The following MDN1 variants were observed in gnomAD, a reference collection of about 807,000 sequenced individuals.
The protein encoded by MDN1 is midasin.
MDN1 carries 266 observed loss-of-function variants against 669.2 expected under a neutral mutation model. The observed-to-expected ratio is 0.40, with a 90% CI of 0.36 to 0.44. MDN1 has a LOEUF of 0.44. Ranked by LOEUF, MDN1 falls within the 20% of genes least tolerant of loss-of-function variation. The pLI is 1.00. For missense variants in MDN1, 5,940 were observed against 6,754.0 expected, an observed-to-expected ratio of 0.88 and a Z score of 4.22; for synonymous variants, 2,385 against 2,457.1, an observed-to-expected ratio of 0.97 and a Z score of 0.87.
intron 63 of MDN1, 118 bp downstream of exon 63, chr6:89,692,325 C>A: frequency 2.3e-6 from 2 of 857,948 alleles, no homozygotes; most frequent in South Asian, 1.9e-5. Flanking sequence ...AACAAAATGC[C>A]CACGCCCCAA....
intron 2 of MDN1, among the ~76,000 whole-genome samples, chr6:89,796,364 C>CAAAAAAA (rs1819613342): frequency 1.7e-5 from 2 of 116,956 alleles, no homozygotes; most frequent in African/African-American, 3.4e-5. Flanking sequence ...AAAAAAAAAC[C>CAAAAAAA]AAACACTTTG....
intron 74 of MDN1, among the ~76,000 whole-genome samples, 166 bp downstream of exon 74, chr6:89,680,423 C>A (rs1208671415): frequency 6.6e-6 from 1 of 152,216 alleles, no homozygotes. Context: ...TCTCAGTAGG[C>A]TCCTGTTTCT....
chr6:89,725,341 C>T lies in MDN1; in HGVS notation c.5528G>A (p.Arg1843Gln), dbSNP rs1411698857. 3.1e-6 allele frequency: 5 copies of T among 1,613,824 alleles called. No homozygotes were observed. The highest frequency in any genetic ancestry group is 4.2e-6 in the Non-Finnish European group (5 of 1,179,958). ...LEGLNACFDH[R>Q]GEIYVPELGM... ...TAACTCAGGCACATAGATTTCTCCT[C>T]GGTGGTCAAAACAAGCATTGAGTCC... Residue 1843 changes from arginine (R) to glutamine (Q), a missense_variant, in exon 38 of 102, where the codon CGA becomes CAA. Arg to Gln is a conservative substitution (Grantham distance 43). This residue lies in a region of MDN1 where 2,292 missense variants were observed against 2,638.3 expected (regional missense o/e 0.87). Transcript: ENST00000369393.
intron 29 of MDN1, among the ~76,000 whole-genome samples, chr6:89,744,122 A>AAAC (rs59786148): frequency 0.081 from 9,906 of 122,576 alleles, 1,095 homozygotes; most frequent in South Asian, 0.12. Flanking sequence ...AAAAAAAAAA[A>AAAC]AAAAAAAAAC....
chr6:89,688,890 C>T lies in MDN1; in HGVS notation c.11024-82G>A, dbSNP rs921867999. The T allele has an allele frequency of 1.1e-4, 123 of 1,156,368 alleles. 3 individuals carry two copies. The highest frequency in any genetic ancestry group is 6.9e-4 in the South Asian group (48 of 69,636). The allele number at this position is 1,156,368 out of a possible 1,614,324, so 71.6% of individuals were successfully genotyped here. A position where few individuals can be genotyped will look rare whatever the true frequency, so the allele number is the denominator to read the frequency against. On this transcript the variant is annotated intron_variant, in intron 65 of 101. Transcript: ENST00000369393. ...TGTCAAAAAGATGTCAGCAACAGGG[C>T]CAGGTGCAGTGGCTCATGTCTGTAA...
chr6:89,730,946 A>G (rs1167810416), intron 34 of MDN1, 23 bp from the exon 35 acceptor site: 3 of 1,606,662 alleles, frequency 1.9e-6, no homozygotes, highest in East Asian at 2.2e-5. Flanking sequence ...GGATCAGTCC[A>G]TGAAGCAACA....
rs766197694 is a variant in MDN1, at chr6:89,674,544, C to T, written c.12807G>A (p.Gly4269=). Reference sequence around the variant, plus strand: ...GGAAGGCCACGGGGTAGGCCTGGGGCCCCATCAGCCTGCTGTGAATCTCTT... The same window carrying T: ...GGAAGGCCACGGGGTAGGCCTGGGGTCCCATCAGCCTGCTGTGAATCTCTT... ...CVQEIHSRLM[G]PQAYPVAFPP... Residue 4269 remains glycine, a synonymous_variant, in exon 79 of 102, where the codon GGG becomes GGA. Coordinates refer to ENST00000369393, the MANE Select transcript of MDN1 (RefSeq NM_014611.3). 3.8e-6 allele frequency: 6 copies of T among 1,596,524 alleles called. No homozygotes were observed. The Admixed American group carries it at 8.4e-5, about 22-fold the overall frequency.
intron 33 of MDN1, among the ~76,000 whole-genome samples, chr6:89,733,645 A>C (rs1489360811): frequency 2.7e-5 from 4 of 149,986 alleles, no homozygotes; most frequent in Admixed American, 6.6e-5. Flanking sequence ...AAAAAAAAAA[A>C]CTCTTTAAAA....
At chr6:89,686,838 C>CT in intron 69 of MDN1, 64 bp downstream of exon 69, 1 of 1,591,150 alleles carries the variant, frequency 6.3e-7, no homozygotes, top group Non-Finnish European at 8.6e-7. Flanking sequence ...AAATCCTACA[C>CT]TTTGCAGCAC....
chr6:89,785,475 A>G (rs1000374899), intron 8 of MDN1, among the ~76,000 whole-genome samples: 1 of 152,258 alleles, frequency 6.6e-6, no homozygotes, highest in African/African-American at 2.4e-5. Context: ...CAAGGCTCAT[A>G]GCATTAACAT....
intron 59 of MDN1, among the ~76,000 whole-genome samples, chr6:89,696,993 G>A (rs1385692617): frequency 8.5e-5 from 13 of 152,200 alleles, no homozygotes; most frequent in Non-Finnish European, 2.9e-5. Flanking sequence ...ACAGCAAAGG[G>A]TTGTCAAAGG....
intron 76 of MDN1, 34 bp downstream of exon 76, chr6:89,677,536 A>T: frequency 1.2e-6 from 2 of 1,611,294 alleles, no homozygotes; most frequent in Non-Finnish European, 1.7e-6. Context: ...CTCCATTTAT[A>T]AGTAGGGAAA....
Position 89,728,932 on chromosome 6 carries a change from G to A in MDN1, c.5348C>T (p.Thr1783Met), listed in dbSNP as rs970073056. The part of the protein sequence containing the change: ...TLVRINLSEQ[T>M]DITDLFGADL... ...CAGCTGTAGGATGACCGAGCTTACC[G>A]TTTGCTCTGATAAGTTGATTCTAAC... is the stretch of plus-strand genomic sequence containing the variant. The change falls in exon 36 of 102, where the codon ACG becomes ATG. Residue 1783 changes from threonine (T) to methionine (M), a missense_variant and splice_region_variant. Coordinates refer to ENST00000369393, the MANE Select transcript of MDN1 (RefSeq NM_014611.3). 8.1e-6 allele frequency: 13 copies of A among 1,613,276 alleles called. No individual in the cohort carries two copies. The highest frequency in any genetic ancestry group is 2.2e-5 in the East Asian group (1 of 44,888).
At chr6:89,792,472 C>T (rs983161714) in intron 5 of MDN1, among the ~76,000 whole-genome samples, 1 of 151,900 alleles carries the variant, frequency 6.6e-6, no homozygotes, top group African/African-American at 2.4e-5. Context: ...ATGCCCTAAA[C>T]ATAATCTAGG....
chr6:89,805,611 A>G (rs1353079319), intron 1 of MDN1, among the ~76,000 whole-genome samples: 2 of 152,222 alleles, frequency 1.3e-5, no homozygotes, highest in African/African-American at 4.8e-5. Flanking sequence ...TACCTTGAAC[A>G]CAGCATAAAT....
chr6:89,712,656 T>G lies in MDN1; in HGVS notation c.7349A>C (p.His2450Pro), dbSNP rs754411238. The G allele has an allele frequency of 2.5e-6, 4 of 1,614,104 alleles. 1 individual carries two copies. The East Asian group carries it at 8.9e-5, about 36-fold the overall frequency. Residue 2450 changes from histidine to proline, a missense_variant, in exon 48 of 102, where the codon CAC (histidine) becomes CCC (proline). By Grantham distance (77) the His-to-Pro change is moderately conservative. This residue lies in a region of MDN1 where 2,292 missense variants were observed against 2,638.3 expected (regional missense o/e 0.87). Transcript: ENST00000369393. ...TCCATCTCTTCGGACTGTAGACAGG[T>G]GTGAATCTTCAGTAGCAAAGAGAGC... ...PSALFATEDS[H>P]LSTVRRDGQI...
chr6:89,750,320 C>G, intron 24 of MDN1, 34 bp downstream of exon 24: 2 of 1,551,194 alleles, frequency 1.3e-6, no homozygotes, highest in Non-Finnish European at 1.8e-6. Flanking sequence ...AAAGAATAAA[C>G]ACCTATGTCC....
chr6:89,819,698 C>T lies in MDN1; in HGVS notation c.-91G>A. 1 of 1,034,780 alleles carries T rather than the reference C, an allele frequency of 9.7e-7. No homozygotes were observed. Among genetic ancestry groups the T allele is most frequent in the Non-Finnish European group, 1.5e-6 (1 of 673,828 alleles). 64.1% of individuals were successfully genotyped at this position (1,034,780 alleles called of 1,614,324 possible). On this transcript the variant is annotated 5_prime_UTR_variant, in exon 1 of 102. Transcript: ENST00000369393. Reference sequence around the variant, plus strand: ...GCCGAGGTCCCAGTGCCCGAGCAGCCAGCAACTACGCCCGCAGGAAAGGCG... The same window carrying T: ...GCCGAGGTCCCAGTGCCCGAGCAGCTAGCAACTACGCCCGCAGGAAAGGCG...
At chr6:89,748,396 A>G (rs1816773980) in intron 26 of MDN1, among the ~76,000 whole-genome samples, 1 of 152,218 alleles carries the variant, frequency 6.6e-6, no homozygotes, top group Non-Finnish European at 1.5e-5. Context: ...GTGGAACCAT[A>G]ATGGTAGGAG....
Sources: allele counts gnomAD v4.1 joint callset (sites outside exome capture counted in the v4.1 genomes callset), GRCh38; gene constraint gnomAD v4.1.1; regional missense constraint gnomAD v4.1.1; transcripts MANE v1.5; gene names NCBI Gene and HGNC (gene_info 2026-07-23, HGNC 2026-07-21).